Variants in GRIA3 observed in about 807,000 individuals in gnomAD.
GRIA3 encodes the protein glutamate receptor 3.
GRIA3 carries 3 observed loss-of-function variants against 63.0 expected under a neutral mutation model. The observed-to-expected ratio is 0.05, with a 90% CI of 0.02 to 0.12. The LOEUF (loss-of-function observed/expected upper bound fraction) is 0.12. Among genes scored for constraint, GRIA3 ranks in the 10% least tolerant of loss-of-function variants. The pLI is 1.00. For missense variants in GRIA3, 347 were observed against 700.9 expected, an observed-to-expected ratio of 0.50 and a Z score of 5.70; for synonymous variants, 274 against 257.9, an observed-to-expected ratio of 1.06 and a Z score of -0.60.
chrX:123,449,815 C>A (rs1305247633), intron 12 of GRIA3, among the ~76,000 whole-genome samples: 1 of 111,911 alleles, frequency 8.9e-6, no homozygotes, highest in Non-Finnish European at 1.9e-5. Context: ...CACAGTAGGA[C>A]TGAAAACACT....
intron 2 of GRIA3, among the ~76,000 whole-genome samples, chrX:123,246,702 T>C (rs1429175201): frequency 9.0e-6 from 1 of 111,031 alleles, no homozygotes; most frequent in African/African-American, 3.3e-5. Flanking sequence ...GACTCAGACA[T>C]GGACATCTTT....
rs771550138 is a variant in GRIA3 at position 123,489,403 on chromosome X, G to A, written c.*693G>A. ...TAAACAGTGATTTCTCTGTGTTCTT[G>A]AAATGGTTTTGTGAAAATGCTTTGA... On this transcript the variant is annotated 3_prime_UTR_variant, in exon 16 of 16. Transcript: ENST00000620443. The A allele has an allele frequency of 7.1e-5, 8 of 112,644 alleles. No individual in the cohort carries two copies. Among genetic ancestry groups the A allele is most frequent in the Non-Finnish European group, 1.5e-4 (8 of 53,298 alleles). The allele number at this position is 112,644 out of a possible 1,213,427, so 9.3% of individuals were successfully genotyped here. A position where few individuals can be genotyped will look rare whatever the true frequency, so the allele number is the denominator to read the frequency against.
chrX:123,452,218 C>T (rs996828898), intron 12 of GRIA3, among the ~76,000 whole-genome samples: 4 of 111,185 alleles, frequency 3.6e-5, no homozygotes, highest in African/African-American at 1.3e-4. Flanking sequence ...TTGGCCCCGC[C>T]TCAGGCCAAT....
intron 2 of GRIA3, among the ~76,000 whole-genome samples, chrX:123,250,963 T>A (rs2044386282): frequency 8.9e-6 from 1 of 111,938 alleles, no homozygotes; most frequent in Non-Finnish European, 1.9e-5. Flanking sequence ...TACATGTGAG[T>A]GTGAGTTTTG....
chrX:123,450,613 G>T (rs2147418364), intron 12 of GRIA3, among the ~76,000 whole-genome samples: 1 of 113,059 alleles, frequency 8.8e-6, no homozygotes, highest in East Asian at 2.8e-4. Flanking sequence ...TATTCATTCA[G>T]TTAATATTTA....
intron 3 of GRIA3, among the ~76,000 whole-genome samples, chrX:123,283,347 G>T (rs1163003912): frequency 9.0e-6 from 1 of 111,590 alleles, no homozygotes; most frequent in African/African-American, 3.3e-5. Flanking sequence ...GCTAGCTGCA[G>T]GATTTTTTTT....
At chrX:123,330,589 T>A (rs2044934832) in intron 4 of GRIA3, among the ~76,000 whole-genome samples, 1 of 111,861 alleles carries the variant, frequency 8.9e-6, no homozygotes, top group Admixed American at 9.5e-5. Flanking sequence ...AAAGGCTAAA[T>A]GAGTTGGGAT....
intron 12 of GRIA3, among the ~76,000 whole-genome samples, chrX:123,435,576 A>G: frequency 8.9e-6 from 1 of 111,978 alleles, no homozygotes; most frequent in East Asian, 2.8e-4. Context: ...ATTCCCCTTG[A>G]TAGATCAATT....
intron 13 of GRIA3, chrX:123,465,910 C>A: frequency 3.4e-6 from 2 of 584,840 alleles, no homozygotes; most frequent in Non-Finnish European, 5.9e-6. Context: ...AGGTTATTCC[C>A]CTGCCTGGCA....
intron 4 of GRIA3, among the ~76,000 whole-genome samples, chrX:123,343,593 C>CAG (rs746329134): frequency 0.037 from 3,804 of 102,654 alleles, 173 homozygotes; most frequent in African/African-American, 0.12. Flanking sequence ...GAGAGAAAGA[C>CAG]AGAGAGAGAG....
intron 1 of GRIA3, chrX:123,184,974 G>A: frequency 2.6e-6 from 1 of 382,189 alleles, no homozygotes; most frequent in Non-Finnish European, 4.9e-6. Flanking sequence ...AGGCTTTTCG[G>A]CTCGCTGCTC....
intron 12 of GRIA3, 132 bp from the exon 13 acceptor site, chrX:123,464,733 G>T (rs908625627): frequency 1.9e-6 from 1 of 539,929 alleles, no homozygotes; most frequent in African/African-American, 2.4e-5. Flanking sequence ...ATGTATGAAC[G>T]TGCCTACTAG....
intron 3 of GRIA3, among the ~76,000 whole-genome samples, chrX:123,298,361 G>C (rs753464503): frequency 9.0e-6 from 1 of 111,112 alleles, no homozygotes; most frequent in Non-Finnish European, 1.9e-5. Context: ...GTATATAAGG[G>C]TACCATTTTC....
chrX:123,481,430 T>C (rs761539092), intron 14 of GRIA3, among the ~76,000 whole-genome samples: 16 of 112,363 alleles, frequency 1.4e-4, no homozygotes, highest in Non-Finnish European at 3.0e-4. Context: ...TTGGACCTTT[T>C]ATTAAAGTAA....
chrX:123,188,373 G>C (rs1927334229), intron 2 of GRIA3, among the ~76,000 whole-genome samples: 1 of 111,302 alleles, frequency 9.0e-6, no homozygotes, highest in Non-Finnish European at 1.9e-5. Context: ...AGTATTTCAA[G>C]GGACCAAAGA....
At position 123,404,746 on chromosome X, in the gene GRIA3, A is replaced by G; in HGVS notation, c.1332A>G (p.Gln444=). The change falls in exon 10 of 16, where the codon CAA becomes CAG. Residue 444 remains glutamine (Q), a synonymous_variant. Coordinates refer to ENST00000620443, the MANE Select transcript of GRIA3 (RefSeq NM_007325.5). Reference sequence around the variant, plus strand: ...TAATGTACAAGAAGAACCATGAGCAACTGGAAGGAAATGAACGATATGAAG... The same window carrying G: ...TAATGTACAAGAAGAACCATGAGCAGCTGGAAGGAAATGAACGATATGAAG... ...PYVMYKKNHE[Q]LEGNERYEGY... The G allele has an allele frequency of 8.3e-7, 1 of 1,207,026 alleles. No homozygotes were observed. The highest frequency in any genetic ancestry group is 1.1e-6 in the Non-Finnish European group (1 of 891,132).
chrX:123,362,079 C>A (rs1603113319), intron 5 of GRIA3, among the ~76,000 whole-genome samples: 1 of 111,870 alleles, frequency 8.9e-6, no homozygotes, highest in Admixed American at 9.5e-5. Flanking sequence ...AATGAACCAG[C>A]ACCAGTCTGC....
chrX:123,201,287 C>T (rs1348532898), intron 2 of GRIA3, among the ~76,000 whole-genome samples: 1 of 111,278 alleles, frequency 9.0e-6, no homozygotes, highest in African/African-American at 3.3e-5. Flanking sequence ...AGCTGTATAG[C>T]TTATAGGGAT....
intron 2 of GRIA3, among the ~76,000 whole-genome samples, chrX:123,211,538 A>AAGT (rs1354786590): frequency 8.9e-6 from 1 of 111,993 alleles, no homozygotes; most frequent in African/African-American, 3.2e-5. Flanking sequence ...ACACATAAAA[A>AAGT]AGTAGCTGAG....
Sources: gnomAD v4.1 joint callset for allele counts (sites outside exome capture counted in the v4.1 genomes callset) on GRCh38, gnomAD v4.1.1 for gene constraint, MANE v1.5 for transcripts, NCBI Gene and HGNC (gene_info 2026-07-23, HGNC 2026-07-21) for gene names.